The following HS6ST3 variants were observed in gnomAD, a reference collection of about 807,000 sequenced individuals.
The protein encoded by HS6ST3 is heparan sulfate 6-O-sulfotransferase 3.
HS6ST3 carries 12 observed loss-of-function variants against 36.7 expected under a neutral mutation model. That is an observed-to-expected ratio of 0.33 (90% CI 0.21 to 0.53). The LOEUF (loss-of-function observed/expected upper bound fraction) is 0.53. Among genes scored for constraint, HS6ST3 ranks in the 20% least tolerant of loss-of-function variants. The pLI, the probability that HS6ST3 is intolerant of heterozygous loss-of-function variation, is 0.95. For missense variants in HS6ST3, 584 were observed against 640.9 expected, an observed-to-expected ratio of 0.91 and a Z score of 0.96; for synonymous variants, 240 against 257.5, an observed-to-expected ratio of 0.93 and a Z score of 0.65.
At chr13:96,237,694 A>G (rs2054541113) in intron 1 of HS6ST3, among the ~76,000 whole-genome samples, 2 of 152,154 alleles carry the variant, frequency 1.3e-5, no homozygotes, top group Admixed American at 1.3e-4. Context: ...CTCAGTTGAA[A>G]CTGTTCTCAT....
chr13:96,120,073 T>C (rs895113193), intron 1 of HS6ST3, among the ~76,000 whole-genome samples: 3 of 152,182 alleles, frequency 2.0e-5, no homozygotes, highest in African/African-American at 7.2e-5. Flanking sequence ...TAATTCAATA[T>C]AACTGGCGTC....
intron 1 of HS6ST3, among the ~76,000 whole-genome samples, chr13:96,626,081 A>T (rs2056511372): frequency 6.6e-6 from 1 of 151,458 alleles, no homozygotes; most frequent in Admixed American, 6.6e-5. Flanking sequence ...TGACCTCGTG[A>T]TCCACCCGCC....
intron 1 of HS6ST3, among the ~76,000 whole-genome samples, chr13:96,440,704 T>C (rs1163889089): frequency 6.6e-6 from 1 of 152,022 alleles, no homozygotes; most frequent in Non-Finnish European, 1.5e-5. Context: ...TGATATAAAA[T>C]GGAAGAGTAT....
chr13:96,585,463 G>A (rs1317310315), intron 1 of HS6ST3, among the ~76,000 whole-genome samples: 1 of 151,942 alleles, frequency 6.6e-6, no homozygotes, highest in Non-Finnish European at 1.5e-5. Context: ...ATCTTACATA[G>A]CTATTAGTTT....
chr13:96,209,944 G>T (rs1211435068), intron 1 of HS6ST3, among the ~76,000 whole-genome samples: 1 of 152,086 alleles, frequency 6.6e-6, no homozygotes, highest in Non-Finnish European at 1.5e-5. Flanking sequence ...ATTTTAGTTT[G>T]TTTGTTCTTT....
intron 1 of HS6ST3, among the ~76,000 whole-genome samples, chr13:96,228,509 G>A (rs922069131): frequency 2.6e-5 from 4 of 152,236 alleles, no homozygotes; most frequent in East Asian, 3.9e-4. Context: ...CAAGTGATCC[G>A]CCTGTCTCGA....
chr13:96,810,941 G>T (rs1196594448), intron 1 of HS6ST3, among the ~76,000 whole-genome samples: 1 of 152,112 alleles, frequency 6.6e-6, no homozygotes, highest in Non-Finnish European at 1.5e-5. Context: ...ATAGGCCTCT[G>T]AGCTGTGAAC....
chr13:96,682,746 G>T (rs897966015), intron 1 of HS6ST3, among the ~76,000 whole-genome samples: 1 of 151,970 alleles, frequency 6.6e-6, no homozygotes, highest in Admixed American at 6.6e-5. Context: ...ATAAATGATG[G>T]GTTTATTTCT....
At chr13:96,440,080 A>G (rs2055663138) in intron 1 of HS6ST3, among the ~76,000 whole-genome samples, 3 of 151,452 alleles carry the variant, frequency 2.0e-5, no homozygotes, top group Admixed American at 6.6e-5. Flanking sequence ...TTGCCTATTT[A>G]TATGTGTGTG....
intron 1 of HS6ST3, among the ~76,000 whole-genome samples, chr13:96,245,401 A>G (rs983423804): frequency 6.6e-6 from 1 of 152,136 alleles, no homozygotes; most frequent in South Asian, 2.1e-4. Flanking sequence ...TATTTTTTCC[A>G]TCTCAAGTCT....
At chr13:96,401,379 G>A (rs1240614231) in intron 1 of HS6ST3, among the ~76,000 whole-genome samples, 2 of 152,162 alleles carry the variant, frequency 1.3e-5, no homozygotes, top group East Asian at 3.9e-4. Flanking sequence ...AATGTCAGCT[G>A]TGTCAGGTCC....
At chr13:96,636,853 C>T (rs1024189836) in intron 1 of HS6ST3, among the ~76,000 whole-genome samples, 2 of 152,088 alleles carry the variant, frequency 1.3e-5, no homozygotes, top group African/African-American at 2.4e-5. Flanking sequence ...GAGATTTCTG[C>T]TCTATTCCTT....
intron 1 of HS6ST3, among the ~76,000 whole-genome samples, chr13:96,767,677 T>A (rs1877151701): frequency 6.6e-6 from 1 of 152,200 alleles, no homozygotes; most frequent in Non-Finnish European, 1.5e-5. Flanking sequence ...TGTTTGGTGA[T>A]AAATAGTAGC....
At chr13:96,563,622 G>T (rs184067053) in intron 1 of HS6ST3, among the ~76,000 whole-genome samples, 12 of 152,286 alleles carry the variant, frequency 7.9e-5, no homozygotes, top group African/African-American at 2.6e-4. Context: ...TCACAGTGGG[G>T]CAGGCCTTAC....
intron 1 of HS6ST3, among the ~76,000 whole-genome samples, chr13:96,543,940 A>C (rs1392026529): frequency 1.4e-5 from 2 of 147,816 alleles, no homozygotes; most frequent in African/African-American, 5.2e-5. Flanking sequence ...TGGATATATG[A>C]TATGATGGGG....
rs1217766654 is a variant in HS6ST3, at chr13:96,090,584, C to T, written c.-279C>T. ...GCCGCGCCGGGGCGGGAGCAGGGAGCGGGCCGGCCCGGGCGCACCCGGGAG... is the reference window on the plus strand; with the variant it reads ...GCCGCGCCGGGGCGGGAGCAGGGAGTGGGCCGGCCCGGGCGCACCCGGGAG... On this transcript the variant is annotated 5_prime_UTR_variant, in exon 1 of 2. Coordinates refer to ENST00000376705, the MANE Select transcript of HS6ST3 (RefSeq NM_153456.4). 6.9e-6 allele frequency among the ~76,000 whole-genome samples: 1 copy of T among 145,890 alleles called. No individual in the cohort carries two copies. Among genetic ancestry groups the T allele is most frequent in the Non-Finnish European group, 1.5e-5 (1 of 65,690 alleles).
chr13:96,818,249 TGCTTTATTAATTAG>T (rs1878462351), intron 1 of HS6ST3, among the ~76,000 whole-genome samples: 1 of 152,224 alleles, frequency 6.6e-6, no homozygotes, highest in Admixed American at 6.5e-5. Flanking sequence ...TGTCTGTCGT[TGCTTTATTAATTAG>T]GCAGAATTGC....
chr13:96,138,054 T>C (rs1452685299), intron 1 of HS6ST3, among the ~76,000 whole-genome samples: 1 of 152,150 alleles, frequency 6.6e-6, no homozygotes, highest in African/African-American at 2.4e-5. Flanking sequence ...CCCCAATACT[T>C]TTAGACCAGT....
chr13:96,098,665 A>ATAAAT (rs2053803348), intron 1 of HS6ST3, among the ~76,000 whole-genome samples: 3 of 36,158 alleles, frequency 8.3e-5, no homozygotes, highest in Admixed American at 6.2e-4. Flanking sequence ...CTAAAAATAA[A>ATAAAT]TAAATAAAAT....
Sources: gnomAD v4.1 joint callset for allele counts (sites outside exome capture counted in the v4.1 genomes callset) on GRCh38, gnomAD v4.1.1 for gene constraint, MANE v1.5 for transcripts, NCBI Gene and HGNC (gene_info 2026-07-23, HGNC 2026-07-21) for gene names.